NDRG4: variants seen among roughly 807,000 people sequenced by gnomAD.
The protein encoded by NDRG4 is NDRG family member 4, also known as protein NDRG4.
NDRG4 carries 38 observed loss-of-function variants against 55.8 expected under a neutral mutation model. The ratio of observed to expected loss-of-function variants is 0.68; its 90% CI spans 0.53 to 0.89. The LOEUF is 0.89. Among genes scored for constraint, NDRG4 ranks in the 40% least tolerant of loss-of-function variants. The pLI, the probability that NDRG4 is intolerant of heterozygous loss-of-function variation, is 0.00. For missense variants in NDRG4, 455 were observed against 468.6 expected (o/e 0.97, Z 0.27); for synonymous variants, 190 against 182.7 (o/e 1.04, Z -0.32).
In NDRG4 at chr16:58,479,419, C is replaced by T. The variant is rs2034127749; in HGVS notation, c.-23-8337C>T. On this transcript the variant is annotated intron_variant, in intron 1 of 15. Transcript: ENST00000258187. ...TCCACTCGGCTGTGCAGTGAGCACC[C>T]TTGTGTACTGCCTCTTAGTGCACAC... Among the ~76,000 whole-genome samples the T allele has an allele frequency of 2.6e-5, 4 of 152,140 alleles. No individual in the cohort carries two copies. The South Asian group carries it at 8.3e-4, about 32-fold the overall frequency.
At chr16:58,504,706 A>G (rs1385644973) in intron 5 of NDRG4, 57 bp downstream of exon 5, 1 of 1,594,732 alleles carries the variant, frequency 6.3e-7, no homozygotes, top group African/African-American at 1.3e-5. Context: ...GGGATGTCCC[A>G]GTGGTGGGGA....
At chr16:58,504,726 A>G (rs1376893136) in intron 5 of NDRG4, 77 bp downstream of exon 5, 25 of 1,534,484 alleles carry the variant, frequency 1.6e-5, no homozygotes, top group Middle Eastern at 3.4e-4. Context: ...ACTGGGGGGA[A>G]CCCTTCAGCC....
At chr16:58,475,664 T>G in intron 1 of NDRG4, 1 of 456,052 alleles carries the variant, frequency 2.2e-6, no homozygotes, top group Non-Finnish European at 4.4e-6. Flanking sequence ...TCAGGTACCT[T>G]GACTCTTTAT....
At chr16:58,504,491 C>T in intron 4 of NDRG4, 70 bp downstream of exon 4, 1 of 1,611,534 alleles carries the variant, frequency 6.2e-7, no homozygotes, top group Non-Finnish European at 8.5e-7. Context: ...CACCTGGCTC[C>T]AGCTGAGGGC....
chr16:58,464,412 G>A lies in NDRG4; in HGVS notation c.-24+615G>A, dbSNP rs1195513450. 1.1e-5 allele frequency: 15 copies of A among 1,368,502 alleles called. No homozygotes were observed. The Admixed American group carries it at 2.6e-4, about 23-fold the overall frequency. The allele number at this position is 1,368,502 out of a possible 1,614,324, so 84.8% of individuals were successfully genotyped here. A position where few individuals can be genotyped will look rare whatever the true frequency, so the allele number is the denominator to read the frequency against. On this transcript the variant is annotated intron_variant, in intron 1 of 15. Transcript: ENST00000258187. The surrounding 1 kb of genome is among the most constrained non-coding windows in gnomAD (Gnocchi z 4.8). Reference sequence around the variant, plus strand: ...GCCCCGACGCCGCCACCCAGAGCCGGGCCGCGCCGGGCGCCGAGATGAAGG... The same window carrying A: ...GCCCCGACGCCGCCACCCAGAGCCGAGCCGCGCCGGGCGCCGAGATGAAGG...
At chr16:58,507,486 G>A in intron 8 of NDRG4, 1 of 385,134 alleles carries the variant, frequency 2.6e-6, no homozygotes, top group South Asian at 5.5e-5. Context: ...TGTGTGCATG[G>A]TGCTAAGAAA....
At position 58,492,551 on chromosome 16, in the gene NDRG4, T is replaced by TGA. The variant is rs1173972390; in HGVS notation, c.73-2408_73-2407dup. On this transcript the variant is annotated intron_variant, in intron 2 of 15. Coordinates refer to the NDRG4 transcript ENST00000258187. The stretch of plus-strand genomic sequence containing the variant: ...GTGTGTGTGTGTGTGTGTGTGTGTG[T>TGA]GAGAGACAGACAGACAGTCTCGCCC... Among the ~76,000 whole-genome samples the TGA allele has an allele frequency of 9.5e-3, 417 of 43,966 alleles. 19 individuals are homozygous for TGA. The highest frequency in any genetic ancestry group is 0.049 in the East Asian group (98 of 2,020). 28.8% of individuals were successfully genotyped at this position (43,966 alleles called of 152,430 possible). A position where few individuals can be genotyped will look rare whatever the true frequency, so the allele number is the denominator to read the frequency against.
intron 1 of NDRG4, 184 bp from the exon 2 acceptor site, chr16:58,503,614 C>T: frequency 8.5e-7 from 1 of 1,180,178 alleles, no homozygotes; most frequent in Non-Finnish European, 1.2e-6. Context: ...TACTGAACAG[C>T]CCTGAGAAGG....
At chr16:58,484,301 A>T (rs1246361074) in intron 1 of NDRG4, among the ~76,000 whole-genome samples, 1 of 152,110 alleles carries the variant, frequency 6.6e-6, no homozygotes, top group African/African-American at 2.4e-5. Flanking sequence ...TGAACCCAGG[A>T]GGCAGAGGCT....
intron 1 of NDRG4, among the ~76,000 whole-genome samples, chr16:58,467,164 A>G (rs1411356704): frequency 6.6e-6 from 1 of 152,142 alleles, no homozygotes; most frequent in Non-Finnish European, 1.5e-5. Flanking sequence ...AGAGGCCTCT[A>G]ACTCCCTGCC....
chr16:58,490,011 A>C (rs2035588719), intron 2 of NDRG4, among the ~76,000 whole-genome samples: 1 of 151,646 alleles, frequency 6.6e-6, no homozygotes, highest in South Asian at 2.1e-4. Flanking sequence ...CAACTGGCTA[A>C]TTTTTCCATT....
chr16:58,506,798 C>T (rs1016470765), intron 7 of NDRG4, 114 bp from the exon 8 acceptor site: 3 of 1,212,382 alleles, frequency 2.5e-6, no homozygotes, highest in Non-Finnish European at 3.6e-6. Flanking sequence ...CCTGTCTCCC[C>T]TGCCTGCTGA....
At chr16:58,502,240 T>G (rs2037256185) in intron 1 of NDRG4, 6 of 341,334 alleles carry the variant, frequency 1.8e-5, no homozygotes, top group South Asian at 1.3e-4. Flanking sequence ...CAGTGGTCAG[T>G]GGCGGGGAAG....
chr16:58,503,790 C>T lies in NDRG4; in HGVS notation c.22-8C>T. ...CCCAGAGTGTCCAGCACGGTCTCTC[C>T]CCTTCAGGAACATGACATCGAGACA... On this transcript the variant is annotated splice_polypyrimidine_tract_variant and splice_region_variant and intron_variant, in intron 1 of 14. Coordinates refer to ENST00000570248, the MANE Select transcript of NDRG4 (RefSeq NM_001242835.2). 6.2e-7 allele frequency: 1 copy of T among 1,613,864 alleles called. No individual in the cohort carries two copies.
At chr16:58,477,287 A>G (rs964781234) in intron 1 of NDRG4, among the ~76,000 whole-genome samples, 2 of 152,118 alleles carry the variant, frequency 1.3e-5, no homozygotes, top group African/African-American at 4.8e-5. Flanking sequence ...CCAGATCTTG[A>G]TTTCTAAACG....
chr16:58,511,928 G>C lies in NDRG4; in HGVS notation c.*352G>C. ...GCAGGCATGTTTGGAGATGAGAGAG[G>C]CTTCGAGAGGGTGGGTGCTGGGCCA... On this transcript the variant is annotated 3_prime_UTR_variant, in exon 15 of 15. Transcript: ENST00000570248. 1 of 449,154 alleles carries C rather than the reference G, an allele frequency of 2.2e-6. No homozygotes were observed. The highest frequency in any genetic ancestry group is 1.7e-5 in the South Asian group (1 of 58,744). The allele number at this position is 449,154 out of a possible 1,614,324, so 27.8% of individuals were successfully genotyped here.
At chr16:58,507,735 G>A in intron 8 of NDRG4, 73 bp from the exon 9 acceptor site, 1 of 1,449,452 alleles carries the variant, frequency 6.9e-7, no homozygotes, top group Non-Finnish European at 9.6e-7. Context: ...AATTGGCAGT[G>A]TTGGGCTTGG....
In NDRG4 at chr16:58,511,590, G is replaced by T. The variant is rs200933696; in HGVS notation, c.*14G>T. 2 of 1,612,978 alleles carry T rather than the reference G, an allele frequency of 1.2e-6. No homozygotes were observed. Among genetic ancestry groups the T allele is most frequent in the South Asian group, 1.1e-5 (1 of 91,074 alleles). On this transcript the variant is annotated 3_prime_UTR_variant, in exon 15 of 15. Coordinates refer to ENST00000570248, the MANE Select transcript of NDRG4 (RefSeq NM_001242835.2). The stretch of plus-strand genomic sequence containing the variant: ...GTGTCCTGTTGAAGCCCTTGATCCC[G>T]CTGACGACGCCCACGTCGAGGCCCC...
rs1179614244 is a variant in NDRG4, at chr16:58,512,434, G to A, written c.*858G>A. On this transcript the variant is annotated 3_prime_UTR_variant, in exon 15 of 15. Transcript: ENST00000570248. ...GGGAGCCCGCAGGTGGCCAGAGGCA[G>A]GGGTAGCTGAGTTCCTGGAGACCCC... is the stretch of plus-strand genomic sequence containing the variant. 3.9e-6 allele frequency: 1 copy of A among 256,442 alleles called. No individual in the cohort carries two copies. Among genetic ancestry groups the A allele is most frequent in the Non-Finnish European group, 7.7e-6 (1 of 129,566 alleles). 15.9% of individuals were successfully genotyped at this position (256,442 alleles called of 1,614,324 possible). A position where few individuals can be genotyped will look rare whatever the true frequency, so the allele number is the denominator to read the frequency against.
Sources: gnomAD v4.1 joint callset for allele counts (sites outside exome capture counted in the v4.1 genomes callset) on GRCh38, gnomAD v4.1.1 for gene constraint, Gnocchi (gnomAD v3.1) non-coding constraint, MANE v1.5 for transcripts, NCBI Gene and HGNC (gene_info 2026-07-23, HGNC 2026-07-21) for gene names.